Variants in PTPN12 observed in about 807,000 individuals in gnomAD.
PTPN12 encodes protein tyrosine phosphatase non-receptor type 12, also known as tyrosine-protein phosphatase non-receptor type 12.
Under a neutral mutation model 97.6 loss-of-function variants are expected in PTPN12, and 29 were observed. The observed-to-expected ratio is 0.30, with a 90% confidence interval of 0.22 to 0.41. The LOEUF (loss-of-function observed/expected upper bound fraction) is 0.41, where lower values mean the gene tolerates loss of function less well. Ranked by LOEUF, PTPN12 falls within the 10% of genes least tolerant of loss-of-function variation. PTPN12 has a pLI of 1.00. For missense variants in PTPN12, 819 were observed against 926.0 expected (o/e 0.88, Z 1.50); for synonymous variants, 327 against 300.4 (o/e 1.09, Z -0.91).
At chr7:77,607,027 G>A (rs1373278719) in intron 8 of PTPN12, 3 of 376,134 alleles carry the variant, frequency 8.0e-6, no homozygotes, top group African/African-American at 6.3e-5. Context: ...GTACATATAG[G>A]AAAAATCATA....
Position 77,549,806 on chromosome 7 carries a change from C to T in PTPN12, c.99+12161C>T, listed in dbSNP as rs140022714. On this transcript the variant is annotated intron_variant, in intron 1 of 17. Transcript: ENST00000248594. Reference sequence around the variant, plus strand: ...TATGTTGCCCAGCTGGTCTCAGACTCCTGGCCTAAAGCAATCCTTCCATCT... The same window carrying T: ...TATGTTGCCCAGCTGGTCTCAGACTTCTGGCCTAAAGCAATCCTTCCATCT... 3.9e-5 allele frequency among the ~76,000 whole-genome samples: 6 copies of T among 152,136 alleles called. No individual in the cohort carries two copies. The East Asian group carries it at 1.2e-3, about 29-fold the overall frequency.
intron 1 of PTPN12, among the ~76,000 whole-genome samples, chr7:77,552,091 T>G (rs144680739): frequency 0.013 from 1,921 of 152,328 alleles, 18 homozygotes; most frequent in Non-Finnish European, 0.019. Flanking sequence ...TATTTTAAAA[T>G]TACTTTATAA....
intron 13 of PTPN12, among the ~76,000 whole-genome samples, chr7:77,628,375 C>G (rs1789276997): frequency 6.6e-6 from 1 of 152,140 alleles, no homozygotes; most frequent in African/African-American, 2.4e-5. Flanking sequence ...CTTTGATCTG[C>G]TGAAAGTAAT....
intron 13 of PTPN12, among the ~76,000 whole-genome samples, chr7:77,630,830 T>C (rs1271588334): frequency 6.6e-6 from 1 of 152,216 alleles, no homozygotes; most frequent in Non-Finnish European, 1.5e-5. Flanking sequence ...AAAGCCTATA[T>C]AAAATACGCA....
chr7:77,627,271 A>G lies in PTPN12; in HGVS notation c.1592A>G (p.Lys531Arg). 1 of 1,614,178 alleles carries G rather than the reference A, an allele frequency of 6.2e-7. No homozygotes were observed. The highest frequency in any genetic ancestry group is 8.5e-7 in the Non-Finnish European group (1 of 1,180,024). ...PRPDRLPLDE[K>R]GHVTWSFHGP... is the part of the protein sequence containing the mutation. ...CCAGACCGCTTGCCTCTTGATGAGA[A>G]AGGACATGTAACGTGGTCATTTCAT... Residue 531 changes from lysine (K) to arginine (R), a missense_variant, in exon 13 of 18, where the codon AAA (lysine) becomes AGA (arginine). Lys to Arg is a conservative substitution (Grantham distance 26, BLOSUM62 2). Coordinates refer to ENST00000248594, the MANE Select transcript of PTPN12 (RefSeq NM_002835.4).
intron 13 of PTPN12, among the ~76,000 whole-genome samples, chr7:77,631,149 CAT>C (rs888707233): frequency 6.6e-6 from 1 of 152,098 alleles, no homozygotes; most frequent in African/African-American, 2.4e-5. Flanking sequence ...GGCAAGGAGA[CAT>C]ATGGTGATGA....
chr7:77,556,982 T>G (rs1049767825), intron 1 of PTPN12, among the ~76,000 whole-genome samples: 7 of 152,112 alleles, frequency 4.6e-5, no homozygotes, highest in African/African-American at 9.7e-5. Flanking sequence ...TTGTTTGTTT[T>G]TTTTTTAGAG....
intron 14 of PTPN12, among the ~76,000 whole-genome samples, chr7:77,633,766 T>TA (rs1287503004): frequency 2.0e-5 from 3 of 152,234 alleles, no homozygotes; most frequent in Middle Eastern, 3.4e-3. Flanking sequence ...CTCATACCTG[T>TA]AATCGCAGCA....
At chr7:77,578,089 C>T (rs937976924) in intron 2 of PTPN12, among the ~76,000 whole-genome samples, 1 of 152,136 alleles carries the variant, frequency 6.6e-6, no homozygotes, top group African/African-American at 2.4e-5. Context: ...CATTTGGGAG[C>T]CACTATTCTC....
At chr7:77,639,104 A>T (rs1562770121) in intron 17 of PTPN12, 115 bp from the exon 18 acceptor site, 1 of 855,608 alleles carries the variant, frequency 1.2e-6, no homozygotes, top group East Asian at 2.8e-5. Context: ...TAAATTCTAA[A>T]TTCCCTTGTG....
At chr7:77,617,288 A>T (rs930265983) in intron 11 of PTPN12, among the ~76,000 whole-genome samples, 20 of 152,162 alleles carry the variant, frequency 1.3e-4, no homozygotes, top group African/African-American at 4.8e-4. Flanking sequence ...CTATAGCCAG[A>T]TATTTCTGCA....
At chr7:77,575,857 A>G (rs985556029) in intron 2 of PTPN12, among the ~76,000 whole-genome samples, 1 of 151,808 alleles carries the variant, frequency 6.6e-6, no homozygotes, top group Non-Finnish European at 1.5e-5. Context: ...AGCTCTTTTA[A>G]CAGTTTTTTT....
chr7:77,595,509 A>T (rs564163622), intron 6 of PTPN12, among the ~76,000 whole-genome samples: 30 of 152,298 alleles, frequency 2.0e-4, no homozygotes, highest in South Asian at 4.1e-4. Flanking sequence ...ATGTCAGCAC[A>T]CTACCCATGG....
At chr7:77,572,959 T>C (rs1381458960) in intron 2 of PTPN12, among the ~76,000 whole-genome samples, 1 of 151,756 alleles carries the variant, frequency 6.6e-6, no homozygotes, top group Non-Finnish European at 1.5e-5. Context: ...GGCACGTGCC[T>C]GTAATTCCAG....
chr7:77,564,757 T>TTTTTTTG (rs1786841849), intron 1 of PTPN12, among the ~76,000 whole-genome samples: 1 of 92,436 alleles, frequency 1.1e-5, no homozygotes, highest in Non-Finnish European at 2.1e-5. Context: ...TTTTTTTTTT[T>TTTTTTTG]TTTTTTTTTT....
At chr7:77,596,658 C>T (rs2151353818) in intron 6 of PTPN12, among the ~76,000 whole-genome samples, 1 of 152,332 alleles carries the variant, frequency 6.6e-6, no homozygotes, top group East Asian at 1.9e-4. Flanking sequence ...GCGATCCGTC[C>T]ACCTCAGCCT....
At chr7:77,545,059 T>C (rs1454809078) in intron 1 of PTPN12, among the ~76,000 whole-genome samples, 1 of 152,250 alleles carries the variant, frequency 6.6e-6, no homozygotes, top group Non-Finnish European at 1.5e-5. Flanking sequence ...TTTCTTAAGG[T>C]AACTTCTGTA....
chr7:77,638,205 G>A (rs934999904), intron 16 of PTPN12, among the ~76,000 whole-genome samples: 2 of 151,486 alleles, frequency 1.3e-5, no homozygotes, highest in South Asian at 2.1e-4. Flanking sequence ...TGATCGGCTC[G>A]CCTCGGCCTC....
rs1404000896 is a variant in PTPN12, at chr7:77,573,095, AAC to A, written c.208+1911_208+1912del. On this transcript the variant is annotated intron_variant, in intron 2 of 17. Coordinates refer to ENST00000248594, the MANE Select transcript of PTPN12 (RefSeq NM_002835.4). ...AAGACTCTATCTCAAAAAAAAAAAA[AAC>A]AAAAAAACAAAAAAAACCAGTGTAC... Among the ~76,000 whole-genome samples, 6 of 40,598 alleles carry A rather than the reference AAC, an allele frequency of 1.5e-4. 1 individual carries two copies. The highest frequency in any genetic ancestry group is 7.5e-4 in the African/African-American group (4 of 5,300). The allele number at this position is 40,598 out of a possible 152,430, so 26.6% of individuals were successfully genotyped here.
Sources: allele counts gnomAD v4.1 joint callset (sites outside exome capture counted in the v4.1 genomes callset), GRCh38; gene constraint gnomAD v4.1.1; transcripts MANE v1.5; gene names NCBI Gene and HGNC (gene_info 2026-07-23, HGNC 2026-07-21).